Variants in SQOR observed in about 807,000 individuals in gnomAD.
SQOR encodes the protein sulfide:quinone oxidoreductase, mitochondrial.
In SQOR, 39 loss-of-function variants were observed where a neutral mutation model predicts 48.6. The observed-to-expected ratio is 0.80, with a 90% CI of 0.62 to 1.05. SQOR has a LOEUF of 1.05. Ranked by LOEUF, SQOR falls within the 50% of genes least tolerant of loss-of-function variation. SQOR has a pLI of 0.00. For synonymous variants in SQOR, 220 were observed against 206.2 expected, an observed-to-expected ratio of 1.07 and a Z score of -0.57; for missense variants, 561 against 559.9, an observed-to-expected ratio of 1.00 and a Z score of -0.02.
At chr15:45,634,344 C>T (rs1894957178), upstream of SQOR, among the ~76,000 whole-genome samples, 1 of 151,380 alleles carries the variant, frequency 6.6e-6, no homozygotes, top group South Asian at 2.1e-4. Context: ...ACTTTTGGGA[C>T]ACCCTGTATT....
chr15:45,655,926 C>A (rs1017765741), intron 1 of SQOR, among the ~76,000 whole-genome samples: 1 of 151,804 alleles, frequency 6.6e-6, no homozygotes, highest in African/African-American at 2.4e-5. Flanking sequence ...ACCTTGTGAT[C>A]CGCCCGCCTT....
chr15:45,659,213 T>A (rs1458081199), intron 2 of SQOR, 56 bp downstream of exon 2: 66 of 517,186 alleles, frequency 1.3e-4, no homozygotes, highest in East Asian at 1.0e-3. Flanking sequence ...TGTGTGTGAG[T>A]GTGTGTGTGT....
Position 45,648,160 on chromosome 15 carries a change from GTTTTTTGT to G in SQOR, c.-17-10724_-17-10717del, listed in dbSNP as rs529972867. ...AATGTTAGTTATTATTTCAATGATA[GTTTTTTGT>G]TTTTTTGTTTTTTTGTTTTTTTTTT... On this transcript the variant is annotated intron_variant, in intron 1 of 9. Transcript: ENST00000260324. Among the ~76,000 whole-genome samples, 1,434 of 151,968 alleles carry G rather than the reference GTTTTTTGT, an allele frequency of 9.4e-3. 19 individuals carry two copies. The highest frequency in any genetic ancestry group is 0.031 in the African/African-American group (1,305 of 41,478).
intron 1 of SQOR, among the ~76,000 whole-genome samples, chr15:45,657,581 G>A (rs540713088): frequency 4.5e-4 from 69 of 152,000 alleles, no homozygotes; most frequent in African/African-American, 1.6e-3. Flanking sequence ...AGAAGTTGTC[G>A]GGGCACCAAA....
At chr15:45,662,497 T>A (rs1033869541) in intron 3 of SQOR, among the ~76,000 whole-genome samples, 1 of 152,190 alleles carries the variant, frequency 6.6e-6, no homozygotes, top group Non-Finnish European at 1.5e-5. Flanking sequence ...TTTCTACCGG[T>A]CGCCTAGCCT....
chr15:45,651,249 G>A (rs866999801), intron 1 of SQOR, among the ~76,000 whole-genome samples: 112 of 152,314 alleles, frequency 7.4e-4, no homozygotes, highest in African/African-American at 2.4e-3. Flanking sequence ...CTGCTGGCCC[G>A]TGCTAAGCCC....
At chr15:45,631,568 A>T (rs2140932494), upstream of SQOR, 1 of 152,310 alleles carries the variant, frequency 6.6e-6, no homozygotes, top group Middle Eastern at 3.4e-3. Context: ...GGGCTTGCTG[A>T]TCGGGCAGGA....
chr15:45,673,482 C>A, intron 4 of SQOR, 125 bp from the exon 5 acceptor site: 1 of 1,048,908 alleles, frequency 9.5e-7, no homozygotes, highest in Non-Finnish European at 1.4e-6. Context: ...CTGCTCTAGG[C>A]ATGTGGGTAT....
chr15:45,670,472 C>T (rs1184013154), intron 4 of SQOR, among the ~76,000 whole-genome samples: 1 of 152,230 alleles, frequency 6.6e-6, no homozygotes, highest in African/African-American at 2.4e-5. Flanking sequence ...GGAAATGCCA[C>T]TCAGAAGTTC....
chr15:45,658,413 G>A (rs1308974317), intron 1 of SQOR, among the ~76,000 whole-genome samples: 1 of 152,150 alleles, frequency 6.6e-6, no homozygotes. Flanking sequence ...CTTGCTAGAC[G>A]GTTTCTGTTT....
upstream of SQOR, chr15:45,635,000 C>A (rs1386001284): frequency 6.6e-6 from 1 of 152,178 alleles, no homozygotes; most frequent in African/African-American, 2.4e-5. Flanking sequence ...CCTCCAGCCT[C>A]CGCCCGGATG....
At chr15:45,650,991 C>G (rs553733131) in intron 1 of SQOR, among the ~76,000 whole-genome samples, 1 of 152,344 alleles carries the variant, frequency 6.6e-6, no homozygotes, top group South Asian at 2.1e-4. Context: ...GAGCTGCCCC[C>G]GGGTCCCGCA....
intron 1 of SQOR, among the ~76,000 whole-genome samples, chr15:45,654,589 C>T (rs1026630285): frequency 1.3e-5 from 2 of 152,054 alleles, no homozygotes; most frequent in African/African-American, 4.8e-5. Context: ...AAGTATTAGA[C>T]TGGAAGGGAG....
chr15:45,656,326 G>A (rs1006749272), intron 1 of SQOR, among the ~76,000 whole-genome samples: 5 of 151,902 alleles, frequency 3.3e-5, no homozygotes, highest in Middle Eastern at 3.2e-3. Flanking sequence ...TTTGAGACAG[G>A]GTCTCCCTCT....
intron 2 of SQOR, among the ~76,000 whole-genome samples, chr15:45,661,683 A>G (rs541595782): frequency 6.6e-6 from 1 of 152,220 alleles, no homozygotes; most frequent in African/African-American, 2.4e-5. Flanking sequence ...ACACCAAATC[A>G]ACTTTCAGCA....
chr15:45,668,797 TC>T (rs1889885753), intron 3 of SQOR, among the ~76,000 whole-genome samples: 1 of 152,190 alleles, frequency 6.6e-6, no homozygotes, highest in African/African-American at 2.4e-5. Flanking sequence ...TGCAATCATT[TC>T]CTAACTCCAG....
At chr15:45,662,643 A>T (rs1224049739) in intron 3 of SQOR, among the ~76,000 whole-genome samples, 57 of 152,182 alleles carry the variant, frequency 3.7e-4, no homozygotes, top group Non-Finnish European at 4.4e-5. Flanking sequence ...TGAGGCTCAC[A>T]ACTGCTCAGC....
intron 1 of SQOR, among the ~76,000 whole-genome samples, chr15:45,648,534 G>T (rs558076007): frequency 2.1e-3 from 319 of 152,302 alleles, no homozygotes; most frequent in African/African-American, 6.7e-3. Context: ...GAAAATATTT[G>T]GTTAAGAGGT....
rs1250148765 is a variant in SQOR, at chr15:45,659,166, C to T, written c.234+9C>T. 1.3e-6 allele frequency: 2 copies of T among 1,506,246 alleles called. No individual in the cohort carries two copies. 93.3% of individuals were successfully genotyped at this position (1,506,246 alleles called of 1,614,324 possible). On this transcript the variant is annotated intron_variant, in intron 2 of 9. Transcript: ENST00000260324. ...TTGTTGAGCCCAGTGAGGTAAGCCT[C>T]CCCTTTTGAGGGCCTGGGTGTGTGT...
Sources: allele counts gnomAD v4.1 joint callset (sites outside exome capture counted in the v4.1 genomes callset), GRCh38; gene constraint gnomAD v4.1.1; transcripts MANE v1.5; gene names NCBI Gene and HGNC (gene_info 2026-07-23, HGNC 2026-07-21).